The following EGF variants were observed in gnomAD, a reference collection of about 807,000 sequenced individuals.
EGF encodes pro-epidermal growth factor.
A neutral mutation model predicts 143.8 loss-of-function variants in EGF; 95 were observed. That is an observed-to-expected ratio of 0.66 (90% confidence interval 0.56 to 0.78). EGF has a LOEUF of 0.78. Ranked by LOEUF, EGF falls within the 30% of genes least tolerant of loss-of-function variation. EGF has a pLI of 0.00. For synonymous variants in EGF, 510 were observed against 510.5 expected, an observed-to-expected ratio of 1.00 and a Z score of 0.01; for missense variants, 1,320 against 1,470.9, an observed-to-expected ratio of 0.90 and a Z score of 1.68.
intron 12 of EGF, 131 bp downstream of exon 12, chr4:109,974,938 C>T: frequency 1.5e-6 from 1 of 660,012 alleles, no homozygotes; most frequent in Admixed American, 2.4e-5. Flanking sequence ...ATGAATTCCT[C>T]ATGCTTTTAA....
At chr4:109,923,462 C>T (rs920606204) in intron 1 of EGF, among the ~76,000 whole-genome samples, 3 of 151,380 alleles carry the variant, frequency 2.0e-5, no homozygotes, top group Admixed American at 6.6e-5. Flanking sequence ...AGACTTACAC[C>T]AAATTTTGTA....
At chr4:110,011,159 G>A (rs1487145449) in intron 23 of EGF, 43 bp from the exon 24 acceptor site, 2 of 1,609,064 alleles carry the variant, frequency 1.2e-6, no homozygotes, top group South Asian at 1.1e-5. Flanking sequence ...CCTATCTATT[G>A]TTAATGATAT....
Position 109,961,873 on chromosome 4 carries a change from C to CT in EGF, c.1201dup (p.Cys401LeufsTer7). On this transcript the variant is annotated frameshift_variant, in exon 8 of 24. Coordinates refer to ENST00000265171, the MANE Select transcript of EGF (RefSeq NM_001963.6). LOFTEE classifies it high-confidence loss of function. Reference sequence around the variant, plus strand: ...TTCTTTATTAATTAGAACTTGTTTCCTGTCCACGCAATGTGTCTGAATGCA... The same window carrying CT: ...TTCTTTATTAATTAGAACTTGTTTCCTTGTCCACGCAATGTGTCTGAATGCA... 2 of 1,613,748 alleles carry CT rather than the reference C, an allele frequency of 1.2e-6. No individual in the cohort carries two copies. Among genetic ancestry groups the CT allele is most frequent in the Non-Finnish European group, 1.7e-6 (2 of 1,179,736 alleles).
chr4:109,944,506 A>G (rs759270325), intron 4 of EGF, among the ~76,000 whole-genome samples: 6 of 152,256 alleles, frequency 3.9e-5, no homozygotes, highest in Non-Finnish European at 8.8e-5. Flanking sequence ...AGTAGGTTCT[A>G]TAACTTCTCT....
At position 110,011,632 on chromosome 4, in the gene EGF, T is replaced by G; in HGVS notation, c.*177T>G. On this transcript the variant is annotated 3_prime_UTR_variant, in exon 24 of 24. Coordinates refer to ENST00000265171, the MANE Select transcript of EGF (RefSeq NM_001963.6). ...CTTTTGTTTGCTCTTTTAAGCAGTC[T>G]CACTGCAGTCTTATTTCCAAGTAAG... 1.1e-6 allele frequency: 1 copy of G among 939,838 alleles called. No homozygotes were observed. The highest frequency in any genetic ancestry group is 1.7e-5 in the South Asian group (1 of 59,088). 58.2% of individuals were successfully genotyped at this position (939,838 alleles called of 1,614,324 possible). A position where few individuals can be genotyped will look rare whatever the true frequency, so the allele number is the denominator to read the frequency against.
At chr4:109,996,445 T>C (rs1426450488) in intron 20 of EGF, among the ~76,000 whole-genome samples, 1 of 152,226 alleles carries the variant, frequency 6.6e-6, no homozygotes, top group Non-Finnish European at 1.5e-5. Flanking sequence ...GTAATCTGGA[T>C]CATAACCTTG....
chr4:109,975,691 C>A (rs1748384019), intron 12 of EGF, among the ~76,000 whole-genome samples: 1 of 152,160 alleles, frequency 6.6e-6, no homozygotes, highest in African/African-American at 2.4e-5. Flanking sequence ...AATGCTAATT[C>A]AAGAATATTT....
intron 15 of EGF, among the ~76,000 whole-genome samples, chr4:109,981,593 C>G (rs1489420284): frequency 6.6e-6 from 1 of 152,100 alleles, no homozygotes; most frequent in African/African-American, 2.4e-5. Flanking sequence ...TGATATCTTT[C>G]TAGCAGAAAT....
chr4:109,964,482 TCAGC>T lies in EGF; in HGVS notation c.1525_1528del (p.Gln509ArgfsTer8), dbSNP rs776364754. On this transcript the variant is annotated frameshift_variant, in exon 10 of 24. Coordinates refer to ENST00000265171, the MANE Select transcript of EGF (RefSeq NM_001963.6). LOFTEE classifies it high-confidence loss of function. ...GATGGAACAGACTATGGAACTCTGC[TCAGC>T]CAGCAGATGGGAATGGTTTATGCCC... The T allele has an allele frequency of 1.2e-6, 2 of 1,613,870 alleles. No homozygotes were observed. The highest frequency in any genetic ancestry group is 1.7e-6 in the Non-Finnish European group (2 of 1,179,880).
rs369517478 is a variant in EGF at position 110,011,339 on chromosome 4, T to C, written c.3508T>C (p.Tyr1170His). Residue 1170 changes from tyrosine (Y) to histidine (H), a missense_variant, in exon 24 of 24, where the codon TAT becomes CAT. Tyr to His is a moderately conservative substitution (Grantham distance 83, BLOSUM62 2). Transcript: ENST00000265171. Reference protein sequence around the residue: ...VMERSFHMPSYGTQTLEGGVE... With the variant: ...VMERSFHMPSHGTQTLEGGVE... ...GGAGCGAAGCTTTCATATGCCCTCC[T>C]ATGGGACACAGACCCTTGAAGGGGG... 5.6e-6 allele frequency: 9 copies of C among 1,614,154 alleles called. No individual in the cohort carries two copies. In the African/African-American group the frequency reaches 1.2e-4, roughly 22 times the overall value.
intron 22 of EGF, among the ~76,000 whole-genome samples, chr4:110,007,254 A>C (rs575232795): frequency 6.6e-6 from 1 of 152,294 alleles, no homozygotes; most frequent in African/African-American, 2.4e-5. Context: ...ATATGGGCAA[A>C]GAGATTGTTT....
At chr4:110,000,419 C>T (rs1048704648) in intron 21 of EGF, among the ~76,000 whole-genome samples, 4 of 152,018 alleles carry the variant, frequency 2.6e-5, no homozygotes, top group Non-Finnish European at 4.4e-5. Context: ...TATGGTTTTG[C>T]GTTCCACTCT....
Position 109,974,784 on chromosome 4 carries a change from A to C in EGF, c.1806A>C (p.Gly602=). 1 of 1,613,536 alleles carries C rather than the reference A, an allele frequency of 6.2e-7. No homozygotes were observed. The highest frequency in any genetic ancestry group is 8.5e-7 in the Non-Finnish European group (1 of 1,179,596). ...AGGAGAACATCTCTCAACCACGAGG[A>C]ATTGCTGTTCATCCAATGGCCAAGT... ...ITKENISQPR[G]IAVHPMAKRL... is the part of the protein sequence containing the mutation. The change falls in exon 12 of 24, where the codon GGA becomes GGC. Residue 602 remains glycine (G), a synonymous_variant. Coordinates refer to ENST00000265171, the MANE Select transcript of EGF (RefSeq NM_001963.6).
At chr4:109,970,275 G>A (rs916864011) in intron 11 of EGF, among the ~76,000 whole-genome samples, 14 of 152,106 alleles carry the variant, frequency 9.2e-5, no homozygotes, top group African/African-American at 3.1e-4. Flanking sequence ...AGCTGCTAAC[G>A]ATAGACCCCT....
chr4:109,979,871 T>G, intron 13 of EGF, 101 bp from the exon 14 acceptor site: 5 of 1,389,896 alleles, frequency 3.6e-6, no homozygotes, highest in Non-Finnish European at 5.0e-6. Context: ...AAAGAGCTGA[T>G]TTAGTGTAGG....
Position 109,999,763 on chromosome 4 carries a change from G to A in EGF, c.3090G>A (p.Gln1030=), listed in dbSNP as rs770886941. The A allele has an allele frequency of 6.2e-7, 1 of 1,614,138 alleles. No individual in the cohort carries two copies. Among genetic ancestry groups the A allele is most frequent in the Non-Finnish European group, 8.5e-7 (1 of 1,180,014 alleles). Residue 1030 remains glutamine (Q), a synonymous_variant, in exon 21 of 24, where the codon CAG becomes CAA. Coordinates refer to ENST00000265171, the MANE Select transcript of EGF (RefSeq NM_001963.6). ...WELRHAGHGQ[Q]QKVIVVAVCV... is the part of the protein sequence containing the mutation. ...TGCGCCACGCTGGCCACGGGCAGCAGCAGAAGGTCATCGTGGTGGCTGTCT... is the reference window on the plus strand; with the variant it reads ...TGCGCCACGCTGGCCACGGGCAGCAACAGAAGGTCATCGTGGTGGCTGTCT...
rs371235246 is a variant in EGF at position 109,988,612 on chromosome 4, A to T, written c.2637A>T (p.Pro879=). The T allele has an allele frequency of 6.2e-7, 1 of 1,614,110 alleles. No homozygotes were observed. The highest frequency in any genetic ancestry group is 1.7e-5 in the Admixed American group (1 of 60,032). The change falls in exon 18 of 24, where the codon CCA becomes CCT. Residue 879 remains proline, a synonymous_variant. Transcript: ENST00000265171. Reference sequence around the variant, plus strand: ...TAGATGAATGTGAGATGGGTGTCCCAGTGTGCCCCCCTGCCTCCTCCAAGT... The same window carrying T: ...TAGATGAATGTGAGATGGGTGTCCCTGTGTGCCCCCCTGCCTCCTCCAAGT... ...SDIDECEMGV[P]VCPPASSKCI... is the part of the protein sequence containing the mutation.
intron 16 of EGF, among the ~76,000 whole-genome samples, chr4:109,985,902 T>C (rs912107326): frequency 1.3e-5 from 2 of 152,236 alleles, no homozygotes; most frequent in African/African-American, 4.8e-5. Flanking sequence ...TTAATTCTTA[T>C]TTAAATTATC....
In EGF at chr4:109,980,957, G is replaced by A. The variant is rs1365980846; in HGVS notation, c.2353G>A (p.Gly785Ser). 7 of 1,614,078 alleles carry A rather than the reference G, an allele frequency of 4.3e-6. No individual in the cohort carries two copies. Among genetic ancestry groups the A allele is most frequent in the Non-Finnish European group, 5.9e-6 (7 of 1,179,976 alleles). ...SDGKTCLALD[G>S]HQLLAGGEVD... is the part of the protein sequence containing the mutation. ...TGGGAAAACGTGTCTGGCTCTGGATGGTCATCAGCTGTTGGCAGGTAATAT... is the reference window on the plus strand; with the variant it reads ...TGGGAAAACGTGTCTGGCTCTGGATAGTCATCAGCTGTTGGCAGGTAATAT... The change falls in exon 15 of 24, where the codon GGT (glycine) becomes AGT (serine). Residue 785 changes from glycine to serine, a missense_variant. By Grantham distance (56) the Gly-to-Ser change is moderately conservative. Transcript: ENST00000265171.
Sources: gnomAD v4.1 joint callset for allele counts (sites outside exome capture counted in the v4.1 genomes callset) on GRCh38, gnomAD v4.1.1 for gene constraint, MANE v1.5 for transcripts, NCBI Gene and HGNC (gene_info 2026-07-23, HGNC 2026-07-21) for gene names.